IFNAR1: variants seen among roughly 807,000 people sequenced by gnomAD.
IFNAR1 encodes interferon alpha and beta receptor subunit 1.
In IFNAR1, 47 loss-of-function variants were observed where a neutral mutation model predicts 62.1. The ratio of observed to expected loss-of-function variants is 0.76; its 90% confidence interval spans 0.60 to 0.97. IFNAR1 has a LOEUF of 0.97. IFNAR1 is among the 50% of genes least tolerant of loss of function. IFNAR1 has a pLI of 0.00. For missense variants in IFNAR1, 638 were observed against 654.5 expected, an observed-to-expected ratio of 0.97 and a Z score of 0.27; for synonymous variants, 219 against 226.9, an observed-to-expected ratio of 0.97 and a Z score of 0.31.
intron 2 of IFNAR1, among the ~76,000 whole-genome samples, chr21:33,338,257 G>T (rs1212231878): frequency 1.3e-5 from 2 of 152,162 alleles, no homozygotes; most frequent in Non-Finnish European, 2.9e-5. Flanking sequence ...AAAAGGCTGG[G>T]CATGGTGGCT....
Position 33,356,998 on chromosome 21 carries a change from G to A in IFNAR1, c.*1449G>A, listed in dbSNP as rs2083454628. The A allele has an allele frequency of 6.6e-6, 1 of 151,926 alleles. No homozygotes were observed. Among genetic ancestry groups the A allele is most frequent in the South Asian group, 2.1e-4 (1 of 4,828 alleles). The allele number at this position is 151,926 out of a possible 1,614,324, so 9.4% of individuals were successfully genotyped here. ...AAAATACAAATCATTGAACTGAGGG[G>A]GAAAAATGTAACTAGGAAGAAAAAC... On this transcript the variant is annotated 3_prime_UTR_variant, in exon 11 of 11. Coordinates refer to ENST00000270139, the MANE Select transcript of IFNAR1 (RefSeq NM_000629.3).
chr21:33,337,757 C>CATTATG (rs146600084), intron 2 of IFNAR1, among the ~76,000 whole-genome samples: 3 of 58,398 alleles, frequency 5.1e-5, no homozygotes, highest in East Asian at 3.7e-4. Context: ...CATATACACA[C>CATTATG]TATATATACA....
intron 6 of IFNAR1, among the ~76,000 whole-genome samples, chr21:33,347,580 A>G (rs2083361716): frequency 6.6e-6 from 1 of 152,002 alleles, no homozygotes; most frequent in Non-Finnish European, 1.5e-5. Context: ...ATCCTCTTTT[A>G]AGGGGTTCAT....
intron 5 of IFNAR1, among the ~76,000 whole-genome samples, chr21:33,344,782 T>TTATTTATTTATTTATG (rs1568930719): frequency 1.7e-4 from 25 of 150,424 alleles, no homozygotes; most frequent in Middle Eastern, 3.4e-3. Flanking sequence ...ATTTATTTAT[T>TTATTTATTTATTTATG]TATTTATTTA....
rs2083456944 is a variant in IFNAR1, at chr21:33,357,246, T to G, written c.*1697T>G. The G allele has an allele frequency of 6.6e-6, 1 of 152,158 alleles. No individual in the cohort carries two copies. Among genetic ancestry groups the G allele is most frequent in the African/African-American group, 2.4e-5 (1 of 41,438 alleles). 9.4% of individuals were successfully genotyped at this position (152,158 alleles called of 1,614,324 possible). A position where few individuals can be genotyped will look rare whatever the true frequency, so the allele number is the denominator to read the frequency against. The stretch of plus-strand genomic sequence containing the variant: ...GGAGCGGCCATTTCTAAGGCCAGTC[T>G]GGTTTAAGTAGTCATTTCTGCTGAA... On this transcript the variant is annotated 3_prime_UTR_variant, in exon 11 of 11. Coordinates refer to ENST00000270139, the MANE Select transcript of IFNAR1 (RefSeq NM_000629.3).
chr21:33,327,065 C>G (rs2083133480), intron 1 of IFNAR1, among the ~76,000 whole-genome samples: 1 of 152,098 alleles, frequency 6.6e-6, no homozygotes, highest in Admixed American at 6.6e-5. Flanking sequence ...CTGTGTGGTA[C>G]ATGATATCCT....
intron 10 of IFNAR1, among the ~76,000 whole-genome samples, chr21:33,354,646 T>C (rs957300985): frequency 6.6e-6 from 1 of 152,152 alleles, no homozygotes; most frequent in African/African-American, 2.4e-5. Context: ...GGCCTAAACA[T>C]AGAATCTGTT....
intron 8 of IFNAR1, among the ~76,000 whole-genome samples, chr21:33,352,231 T>C (rs1451932301): frequency 6.6e-6 from 1 of 152,170 alleles, no homozygotes; most frequent in Non-Finnish European, 1.5e-5. Context: ...GTAAATCAAT[T>C]AGAATTCTCT....
intron 1 of IFNAR1, among the ~76,000 whole-genome samples, chr21:33,330,157 A>T (rs2083162203): frequency 6.6e-6 from 1 of 152,222 alleles, no homozygotes; most frequent in South Asian, 2.1e-4. Flanking sequence ...AACTTACAGG[A>T]ATCAGGTGGG....
intron 5 of IFNAR1, among the ~76,000 whole-genome samples, chr21:33,343,877 TG>T (rs1601860290): frequency 6.6e-6 from 1 of 152,234 alleles, no homozygotes; most frequent in Non-Finnish European, 1.5e-5. Flanking sequence ...AAGTTCAGGC[TG>T]GGCGTAGTGG....
At chr21:33,354,543 A>G (rs1354053384) in intron 10 of IFNAR1, among the ~76,000 whole-genome samples, 1 of 151,174 alleles carries the variant, frequency 6.6e-6, no homozygotes, top group East Asian at 1.9e-4. Flanking sequence ...GAAATAACTA[A>G]AAACATGAGA....
At chr21:33,324,793 G>A (rs2083106839), upstream of IFNAR1, 1 of 520,624 alleles carries the variant, frequency 1.9e-6, no homozygotes, top group Non-Finnish European at 3.5e-6. Flanking sequence ...GCGCGCACAG[G>A]GGTGCTGCAA....
At chr21:33,342,137 A>C (rs2083297293) in intron 3 of IFNAR1, among the ~76,000 whole-genome samples, 1 of 152,152 alleles carries the variant, frequency 6.6e-6, no homozygotes, top group Admixed American at 6.5e-5. Flanking sequence ...AGCTGAGTGT[A>C]GTGGCCCACA....
rs59240203 is a variant in IFNAR1, at chr21:33,333,614, A to ATTTTTTTTTTTTTTTTTTTTTTTTTTTT, written c.77-1899_77-1898insTTTTTTTTTTTTTTTTTTTTTTTTTTTT. On this transcript the variant is annotated intron_variant, in intron 1 of 10. Transcript: ENST00000270139. ...CCATACTTAAAGAGACTGGCGGAAT[A>ATTTTTTTTTTTTTTTTTTTTTTTTTTTT]TTTTTTTTTTTCTTTTTTTTTTTTT... Among the ~76,000 whole-genome samples the ATTTTTTTTTTTTTTTTTTTTTTTTTTTT allele has an allele frequency of 2.4e-4, 26 of 106,990 alleles. 5 individuals are homozygous for ATTTTTTTTTTTTTTTTTTTTTTTTTTTT. Among genetic ancestry groups the ATTTTTTTTTTTTTTTTTTTTTTTTTTTT allele is most frequent in the African/African-American group, 1.1e-3 (26 of 24,428 alleles). 70.2% of individuals were successfully genotyped at this position (106,990 alleles called of 152,430 possible). A position where few individuals can be genotyped will look rare whatever the true frequency, so the allele number is the denominator to read the frequency against.
chr21:33,346,080 T>G (rs2083342708), intron 6 of IFNAR1, among the ~76,000 whole-genome samples: 1 of 152,198 alleles, frequency 6.6e-6, no homozygotes, highest in Non-Finnish European at 1.5e-5. Flanking sequence ...GGCAACATAG[T>G]GAGACCCCCA....
intron 1 of IFNAR1, among the ~76,000 whole-genome samples, chr21:33,333,562 TAATC>T (rs2083201191): frequency 1.3e-5 from 2 of 151,312 alleles, no homozygotes; most frequent in Middle Eastern, 7.0e-3. Flanking sequence ...ATATCAATAA[TAATC>T]TTAAATGTAA....
At chr21:33,351,204 T>C (rs1215099302) in intron 8 of IFNAR1, among the ~76,000 whole-genome samples, 1 of 152,240 alleles carries the variant, frequency 6.6e-6, no homozygotes, top group Non-Finnish European at 1.5e-5. Context: ...ATTGGTTACA[T>C]TGCTGTTTGG....
Position 33,349,559 on chromosome 21 carries a change from A to G in IFNAR1, c.1143+16A>G, listed in dbSNP as rs1167403229. On this transcript the variant is annotated intron_variant, in intron 8 of 10. Coordinates refer to ENST00000270139, the MANE Select transcript of IFNAR1 (RefSeq NM_000629.3). ...AAATGCTGAGGTAAAAAGACTGTAT[A>G]GTATAATTTTGTAACTTAGAGTTAT... 3 of 1,522,678 alleles carry G rather than the reference A, an allele frequency of 2.0e-6. No individual in the cohort carries two copies. Among genetic ancestry groups the G allele is most frequent in the African/African-American group, 2.8e-5 (2 of 71,024 alleles). 94.3% of individuals were successfully genotyped at this position (1,522,678 alleles called of 1,614,324 possible). A position where few individuals can be genotyped will look rare whatever the true frequency, so the allele number is the denominator to read the frequency against.
At chr21:33,328,607 C>T (rs2083149025) in intron 1 of IFNAR1, among the ~76,000 whole-genome samples, 1 of 152,146 alleles carries the variant, frequency 6.6e-6, no homozygotes, top group African/African-American at 2.4e-5. Context: ...TAATGTTGCT[C>T]AGTCTTTCAG....
Sources: gnomAD v4.1 joint callset for allele counts (sites outside exome capture counted in the v4.1 genomes callset) on GRCh38, gnomAD v4.1.1 for gene constraint, MANE v1.5 for transcripts, NCBI Gene and HGNC (gene_info 2026-07-23, HGNC 2026-07-21) for gene names.